The following DOCK5 variants were observed in gnomAD, a reference collection of about 807,000 sequenced individuals.
The protein encoded by DOCK5 is dedicator of cytokinesis protein 5.
A neutral mutation model predicts 251.8 loss-of-function variants in DOCK5; 142 were observed. The ratio of observed to expected loss-of-function variants is 0.56; its 90% CI spans 0.49 to 0.65. DOCK5 has a LOEUF of 0.65. Among genes scored for constraint, DOCK5 ranks in the 30% least tolerant of loss-of-function variants. The probability of loss-of-function intolerance (pLI) is 0.00; values close to 1 mark genes in which losing one functional copy is unlikely to be tolerated. For missense variants in DOCK5, 2,111 were observed against 2,312.3 expected, an observed-to-expected ratio of 0.91 and a Z score of 1.79; for synonymous variants, 842 against 835.5, an observed-to-expected ratio of 1.01 and a Z score of -0.13.
chr8:25,332,979 A>T (rs1182850646), intron 20 of DOCK5, among the ~76,000 whole-genome samples: 1 of 152,170 alleles, frequency 6.6e-6, no homozygotes, highest in African/African-American at 2.4e-5. Flanking sequence ...TTTAACTCAC[A>T]TTACCATGAT....
chr8:25,309,441 C>T (rs1193261747), intron 12 of DOCK5, among the ~76,000 whole-genome samples: 1 of 152,074 alleles, frequency 6.6e-6, no homozygotes, highest in Non-Finnish European at 1.5e-5. Context: ...CCTTGGCCTC[C>T]CAAATCCCTG....
chr8:25,247,487 C>T (rs956800035), intron 2 of DOCK5, among the ~76,000 whole-genome samples: 1 of 151,990 alleles, frequency 6.6e-6, no homozygotes, highest in African/African-American at 2.4e-5. Context: ...GTCTCAGCTA[C>T]TTGGGAGGCT....
intron 18 of DOCK5, among the ~76,000 whole-genome samples, chr8:25,329,574 C>T (rs1208687061): frequency 6.6e-6 from 1 of 152,086 alleles, no homozygotes; most frequent in Non-Finnish European, 1.5e-5. Flanking sequence ...ACATTTCTGA[C>T]AAGAATGTAA....
At chr8:25,231,201 C>T (rs1802660894) in intron 1 of DOCK5, among the ~76,000 whole-genome samples, 1 of 152,162 alleles carries the variant, frequency 6.6e-6, no homozygotes. Flanking sequence ...ATTCTCTCTA[C>T]ATTCTGTTAG....
intron 1 of DOCK5, among the ~76,000 whole-genome samples, chr8:25,189,042 CTTTCT>C (rs1196170368): frequency 4.1e-5 from 4 of 97,624 alleles, no homozygotes; most frequent in African/African-American, 1.0e-4. Flanking sequence ...TTCTTTCTTT[CTTTCT>C]TTTTTTTTTT....
Position 25,212,392 on chromosome 8 carries a change from A to G in DOCK5, c.43+27441A>G, listed in dbSNP as rs1057182948. Among the ~76,000 whole-genome samples the G allele has an allele frequency of 1.1e-4, 8 of 70,796 alleles. 4 individuals carry two copies. Among genetic ancestry groups the G allele is most frequent in the Admixed American group, 9.5e-4 (6 of 6,332 alleles). 46.4% of individuals were successfully genotyped at this position (70,796 alleles called of 152,430 possible). A position where few individuals can be genotyped will look rare whatever the true frequency, so the allele number is the denominator to read the frequency against. ...TGTCTGTGTTATTTATTGCTTCTTT[A>G]ATTAGAGCAGCTTTTAAGGACCAAC... On this transcript the variant is annotated intron_variant, in intron 1 of 51. Transcript: ENST00000276440.
intron 2 of DOCK5, among the ~76,000 whole-genome samples, chr8:25,263,234 G>T (rs1036900017): frequency 1.4e-3 from 4 of 2,762 alleles, no homozygotes; most frequent in Admixed American, 0.02. Flanking sequence ...CCTTGTTTGG[G>T]ACGTTGTGCT....
chr8:25,303,274 T>G (rs368859280), intron 10 of DOCK5, among the ~76,000 whole-genome samples: 1 of 152,184 alleles, frequency 6.6e-6, no homozygotes, highest in East Asian at 1.9e-4. Context: ...TCTTTCCCCC[T>G]TAGTGCCCAA....
chr8:25,296,304 G>A (rs1416825458), intron 6 of DOCK5, among the ~76,000 whole-genome samples: 1 of 152,028 alleles, frequency 6.6e-6, no homozygotes, highest in Non-Finnish European at 1.5e-5. Flanking sequence ...ATCCTTCTAC[G>A]ACTTTGGCTA....
intron 5 of DOCK5, among the ~76,000 whole-genome samples, chr8:25,290,083 G>C (rs996572580): frequency 6.6e-6 from 1 of 151,912 alleles, no homozygotes; most frequent in Admixed American, 6.6e-5. Context: ...AATATATGGC[G>C]TATATATTTA....
chr8:25,354,053 C>CA (rs869141192), intron 27 of DOCK5, among the ~76,000 whole-genome samples: 1 of 23,882 alleles, frequency 4.2e-5, no homozygotes, highest in African/African-American at 1.6e-4. Context: ...AAAAAACAAA[C>CA]AAAAAAAAAA....
chr8:25,287,316 C>G (rs1185399596), intron 5 of DOCK5, among the ~76,000 whole-genome samples: 1 of 152,040 alleles, frequency 6.6e-6, no homozygotes. Context: ...ATCCCAGCTA[C>G]TTGGGAGGCT....
intron 28 of DOCK5, among the ~76,000 whole-genome samples, chr8:25,359,384 C>CTCATG (rs58176477): frequency 0.89 from 135,763 of 151,844 alleles, 60,809 homozygotes; most frequent in Middle Eastern, 0.97. Flanking sequence ...ACAGTAACTA[C>CTCATG]TCATGGCAAG....
chr8:25,202,026 CT>C (rs1801891837), intron 1 of DOCK5, among the ~76,000 whole-genome samples: 1 of 151,662 alleles, frequency 6.6e-6, no homozygotes, highest in Non-Finnish European at 1.5e-5. Flanking sequence ...ATATTTTTTT[CT>C]TCTCTTTGAG....
intron 28 of DOCK5, among the ~76,000 whole-genome samples, chr8:25,361,698 G>A (rs1254561460): frequency 6.6e-6 from 1 of 152,134 alleles, no homozygotes; most frequent in Non-Finnish European, 1.5e-5. Flanking sequence ...CAGAACTGAG[G>A]GTGGGTATGT....
intron 1 of DOCK5, among the ~76,000 whole-genome samples, chr8:25,230,308 C>T (rs1467313426): frequency 6.6e-6 from 1 of 152,114 alleles, no homozygotes; most frequent in African/African-American, 2.4e-5. Context: ...GGCTGTATTC[C>T]CAACCTACTG....
chr8:25,185,603 G>C (rs995457976), intron 1 of DOCK5, among the ~76,000 whole-genome samples: 2 of 152,160 alleles, frequency 1.3e-5, no homozygotes, highest in Non-Finnish European at 2.9e-5. Flanking sequence ...TCCCCTAACG[G>C]AGCCTGTCTG....
chr8:25,213,429 A>G (rs1802152951), intron 1 of DOCK5, among the ~76,000 whole-genome samples: 1 of 149,464 alleles, frequency 6.7e-6, no homozygotes, highest in Admixed American at 6.7e-5. Context: ...TGCTGCAGCT[A>G]TTTGTAACCT....
chr8:25,368,522 T>G, intron 32 of DOCK5, 49 bp from the exon 33 acceptor site: 1 of 1,552,254 alleles, frequency 6.4e-7, no homozygotes, highest in Non-Finnish European at 8.7e-7. Context: ...TTTAACACTT[T>G]ACTTTCAGTG....
Sources: gnomAD v4.1 joint callset for allele counts (sites outside exome capture counted in the v4.1 genomes callset) on GRCh38, gnomAD v4.1.1 for gene constraint, MANE v1.5 for transcripts, NCBI Gene and HGNC (gene_info 2026-07-23, HGNC 2026-07-21) for gene names.